TMEM164: variants seen among roughly 807,000 people sequenced by gnomAD.
TMEM164 encodes the protein RP13-360B22.2.
TMEM164 carries 4 observed loss-of-function variants against 18.8 expected under a neutral mutation model. That is an observed-to-expected ratio of 0.21 (90% confidence interval 0.10 to 0.49). The LOEUF (loss-of-function observed/expected upper bound fraction) is 0.49, where lower values mean the gene tolerates loss of function less well. TMEM164 is among the 20% of genes least tolerant of loss of function. The pLI, the probability that TMEM164 is intolerant of heterozygous loss-of-function variation, is 0.98. For missense variants in TMEM164, 108 were observed against 239.9 expected, an observed-to-expected ratio of 0.45 and a Z score of 3.63; for synonymous variants, 86 against 101.7, an observed-to-expected ratio of 0.85 and a Z score of 0.93.
intron 2 of TMEM164, among the ~76,000 whole-genome samples, chrX:110,039,871 A>G (rs955342902): frequency 1.8e-5 from 2 of 111,467 alleles, no homozygotes; most frequent in Admixed American, 1.9e-4. Flanking sequence ...TGCCGGGGCA[A>G]GGTTTTCTGA....
chrX:110,081,533 G>A (rs1251217717), intron 3 of TMEM164, among the ~76,000 whole-genome samples: 3 of 112,191 alleles, frequency 2.7e-5, no homozygotes, highest in East Asian at 2.8e-4. Context: ...CTTGCATGTG[G>A]TACATGCAGG....
chrX:110,004,916 A>G (rs972162317), intron 2 of TMEM164, among the ~76,000 whole-genome samples: 2 of 112,396 alleles, frequency 1.8e-5, no homozygotes, highest in Non-Finnish European at 3.8e-5. Flanking sequence ...ATCGACTTCC[A>G]CCCATTAGCG....
At chrX:110,074,637 T>G (rs977179412) in intron 3 of TMEM164, among the ~76,000 whole-genome samples, 1 of 112,070 alleles carries the variant, frequency 8.9e-6, no homozygotes, top group Admixed American at 9.5e-5. Flanking sequence ...TTTTTGTATA[T>G]CATGATAGGA....
chrX:110,182,001 TTA>T (rs2067325716), downstream of TMEM164, among the ~76,000 whole-genome samples: 1 of 111,860 alleles, frequency 8.9e-6, no homozygotes, highest in Non-Finnish European at 1.9e-5. Flanking sequence ...ATACCTCAGT[TTA>T]TTTCATGGAC....
At chrX:110,016,427 C>T (rs773781410) in intron 2 of TMEM164, among the ~76,000 whole-genome samples, 3 of 111,614 alleles carry the variant, frequency 2.7e-5, no homozygotes, top group South Asian at 3.7e-4. Context: ...GCCTTTAAAA[C>T]GCTGGAAATG....
intron 3 of TMEM164, among the ~76,000 whole-genome samples, chrX:110,098,447 G>A (rs1002411509): frequency 3.6e-5 from 4 of 110,818 alleles, no homozygotes; most frequent in Non-Finnish European, 7.6e-5. Flanking sequence ...GAGTTGTAGG[G>A]TGAGTACTAG....
intron 5 of TMEM164, among the ~76,000 whole-genome samples, chrX:110,163,919 A>G (rs1217088066): frequency 9.8e-5 from 11 of 112,222 alleles, no homozygotes; most frequent in Non-Finnish European, 1.9e-4. Flanking sequence ...GTGGAAGCTT[A>G]TGGAAGTTTT....
intron 4 of TMEM164, among the ~76,000 whole-genome samples, chrX:110,123,116 C>T (rs1475346448): frequency 1.8e-5 from 2 of 111,745 alleles, no homozygotes; most frequent in Non-Finnish European, 3.8e-5. Flanking sequence ...GGTCCAAATT[C>T]ATTTTTTTCA....
chrX:110,163,834 C>T (rs771635817), intron 5 of TMEM164, among the ~76,000 whole-genome samples: 1 of 111,852 alleles, frequency 8.9e-6, no homozygotes, highest in African/African-American at 3.3e-5. Flanking sequence ...GGCAGTTCAT[C>T]TGTGGTGACA....
In TMEM164 at chrX:110,176,287, GC is replaced by G; in HGVS notation, c.*2838del. 2 of 756,268 alleles carry G rather than the reference GC, an allele frequency of 2.6e-6. No homozygotes were observed. Among genetic ancestry groups the G allele is most frequent in the South Asian group, 6.7e-5 (1 of 14,887 alleles). 62.3% of individuals were successfully genotyped at this position (756,268 alleles called of 1,213,427 possible). ...CTCCAAATAGCAGAGACCCAGTCACGCCTGCTTCTGGTCCTCCCTGCCCTCA... is the reference window on the plus strand; with the variant it reads ...CTCCAAATAGCAGAGACCCAGTCACGCTGCTTCTGGTCCTCCCTGCCCTCA... On this transcript the variant is annotated 3_prime_UTR_variant, in exon 7 of 7. Coordinates refer to ENST00000372068, the MANE Select transcript of TMEM164 (RefSeq NM_032227.4).
At chrX:110,072,769 T>C (rs963440071) in intron 3 of TMEM164, among the ~76,000 whole-genome samples, 7 of 111,070 alleles carry the variant, frequency 6.3e-5, no homozygotes, top group Non-Finnish European at 1.3e-4. Context: ...CCCTCTTCTG[T>C]TTTTTTCTTA....
intron 4 of TMEM164, among the ~76,000 whole-genome samples, chrX:110,127,821 A>G (rs1219357333): frequency 9.0e-6 from 1 of 111,192 alleles, no homozygotes; most frequent in East Asian, 2.9e-4. Context: ...CACAGCACAA[A>G]TATGTGTCCT....
intron 4 of TMEM164, among the ~76,000 whole-genome samples, chrX:110,110,740 T>G (rs756411306): frequency 7.1e-5 from 8 of 112,556 alleles, no homozygotes; most frequent in Admixed American, 5.6e-4. Flanking sequence ...CCCCAAGTGA[T>G]GCCAATGCAG....
chrX:110,106,189 A>T (rs994261070), intron 3 of TMEM164, among the ~76,000 whole-genome samples: 11 of 111,438 alleles, frequency 9.9e-5, no homozygotes, highest in East Asian at 2.8e-4. Context: ...GCTTGTCTTT[A>T]TCTAGGGACT....
At chrX:110,136,499 T>G (rs761799766) in intron 4 of TMEM164, among the ~76,000 whole-genome samples, 127 of 112,062 alleles carry the variant, frequency 1.1e-3, no homozygotes, top group African/African-American at 4.0e-3. Context: ...GATTCCCTGA[T>G]TTATTTTGAG....
chrX:110,022,081 T>C (rs1180896756), intron 2 of TMEM164, among the ~76,000 whole-genome samples: 1 of 111,877 alleles, frequency 8.9e-6, no homozygotes, highest in Non-Finnish European at 1.9e-5. Context: ...ACTTGGGGCC[T>C]GGACATAGGC....
At chrX:110,105,447 G>C (rs1569330789) in intron 3 of TMEM164, among the ~76,000 whole-genome samples, 1 of 109,054 alleles carries the variant, frequency 9.2e-6, no homozygotes, top group Non-Finnish European at 1.9e-5. Flanking sequence ...ACAAATTTTT[G>C]TGGCAGGCTG....
At chrX:110,011,508 G>A (rs1163033040) in intron 2 of TMEM164, among the ~76,000 whole-genome samples, 4 of 111,749 alleles carry the variant, frequency 3.6e-5, no homozygotes, top group African/African-American at 6.5e-5. Flanking sequence ...GGGTGATGGA[G>A]GAAGGAAAGC....
intron 4 of TMEM164, among the ~76,000 whole-genome samples, chrX:110,134,074 C>T (rs2066649852): frequency 8.9e-6 from 1 of 112,084 alleles, no homozygotes; most frequent in Admixed American, 9.4e-5. Context: ...CCAGGAAATA[C>T]ACTTGCACAA....
Sources: gnomAD v4.1 joint callset for allele counts (sites outside exome capture counted in the v4.1 genomes callset) on GRCh38, gnomAD v4.1.1 for gene constraint, MANE v1.5 for transcripts, NCBI Gene and HGNC (gene_info 2026-07-23, HGNC 2026-07-21) for gene names.